KNL1: variants seen among roughly 807,000 people sequenced by gnomAD.
KNL1 encodes the protein outer kinetochore KNL1 complex subunit KNL1.
Under a neutral mutation model 201.3 loss-of-function variants are expected in KNL1, and 66 were observed. The ratio of observed to expected loss-of-function variants is 0.33; its 90% CI spans 0.27 to 0.40. The LOEUF (loss-of-function observed/expected upper bound fraction) is 0.40. Among genes scored for constraint, KNL1 ranks in the 10% least tolerant of loss-of-function variants. KNL1 has a pLI of 1.00. For synonymous variants in KNL1, 895 were observed against 899.2 expected (o/e 1.00, Z 0.08); for missense variants, 2,815 against 2,690.5 (o/e 1.05, Z -1.02).
chr15:40,623,872 A>G lies in KNL1; in HGVS notation c.3608A>G (p.Lys1203Arg), dbSNP rs1892639229. The G allele has an allele frequency of 6.2e-7, 1 of 1,613,756 alleles. No homozygotes were observed. Among genetic ancestry groups the G allele is most frequent in the African/African-American group, 1.3e-5 (1 of 75,060 alleles). ...AAAAACTTGGGTGTTTCCTTTCCTA[A>G]GGATAATAGCTGTGTTCAAGAAATC... Reference protein sequence around the residue: ...KGKNLGVSFPKDNSCVQEIAE... With the variant: ...KGKNLGVSFPRDNSCVQEIAE... The change falls in exon 10 of 26, where the codon AAG becomes AGG. Residue 1203 changes from lysine to arginine, a missense_variant. Physicochemically the swap from Lys to Arg is conservative, Grantham distance 26. This residue lies in a region of KNL1 where 2,464 missense variants were observed against 2,291.7 expected (regional missense o/e 1.08). Coordinates refer to ENST00000399668, the MANE Select transcript of KNL1 (RefSeq NM_144508.5).
In KNL1 at chr15:40,629,315, C is replaced by G. The variant is rs369488649; in HGVS notation, c.5626C>G (p.Leu1876Val). 76 of 1,604,480 alleles carry G rather than the reference C, an allele frequency of 4.7e-5. No homozygotes were observed. The highest frequency in any genetic ancestry group is 6.4e-5 in the Non-Finnish European group (75 of 1,178,004). Reference protein sequence around the residue: ...GRITIREFFILLQVHILIQKP... With the variant: ...GRITIREFFIVLQVHILIQKP... ...AATAACAATAAGGGAGTTCTTTATA[C>G]TTCTCCAGGTCCACATCTTGATACA... The change falls in exon 13 of 26, where the codon CTT becomes GTT. Residue 1876 changes from leucine to valine, a missense_variant. Around this residue, in one of 3 missense-constraint regions of KNL1, gnomAD observed 2,464 missense variants for 2,291.7 expected, o/e 1.08. Coordinates refer to ENST00000399668, the MANE Select transcript of KNL1 (RefSeq NM_144508.5).
Position 40,602,804 on chromosome 15 carries a change from C to T in KNL1, c.-17-111C>T. 6.7e-6 allele frequency: 4 copies of T among 599,010 alleles called. No homozygotes were observed. The South Asian group carries it at 8.3e-5, about 12-fold the overall frequency. 37.1% of individuals were successfully genotyped at this position (599,010 alleles called of 1,614,324 possible). On this transcript the variant is annotated intron_variant, in intron 1 of 25. Transcript: ENST00000399668. Reference sequence around the variant, plus strand: ...CCGGCCTTTCCTTCCCATCTTTGGTCTTCCCTCAGAAAGTAACCCTGAAGT... The same window carrying T: ...CCGGCCTTTCCTTCCCATCTTTGGTTTTCCCTCAGAAAGTAACCCTGAAGT...
At chr15:40,616,373 C>T (rs541983754) in intron 8 of KNL1, among the ~76,000 whole-genome samples, 55 of 152,032 alleles carry the variant, frequency 3.6e-4, no homozygotes, top group African/African-American at 9.9e-4. Context: ...GTGATCCACC[C>T]GCCTCGGCCT....
Position 40,605,077 on chromosome 15 carries a change from C to T in KNL1, c.36-33C>T, listed in dbSNP as rs1175590960. On this transcript the variant is annotated intron_variant, in intron 2 of 25. Coordinates refer to ENST00000399668, the MANE Select transcript of KNL1 (RefSeq NM_144508.5). Reference sequence around the variant, plus strand: ...CTTTTGTGAATTCATTTTTTTAAATCACTGTGTATATAATTTTGTTTTCCT... The same window carrying T: ...CTTTTGTGAATTCATTTTTTTAAATTACTGTGTATATAATTTTGTTTTCCT... The T allele has an allele frequency of 3.5e-6, 4 of 1,131,282 alleles. No homozygotes were observed. The East Asian group carries it at 7.1e-5, about 20-fold the overall frequency. The allele number at this position is 1,131,282 out of a possible 1,614,324, so 70.1% of individuals were successfully genotyped here.
chr15:40,658,043 G>A (rs952352236), intron 24 of KNL1, among the ~76,000 whole-genome samples: 2 of 152,044 alleles, frequency 1.3e-5, no homozygotes, highest in African/African-American at 4.8e-5. Context: ...CGAGGTGGGC[G>A]AATCACAAGG....
chr15:40,623,667 G>T lies in KNL1; in HGVS notation c.3403G>T (p.Ala1135Ser), dbSNP rs759599142. ...DMEITRSHTT[A>S]LECKTLLPNE... Reference sequence around the variant, plus strand: ...GGAGATCACTAGGAGTCACACAACTGCCTTAGAATGTAAAACTCTCCTGCC... The same window carrying T: ...GGAGATCACTAGGAGTCACACAACTTCCTTAGAATGTAAAACTCTCCTGCC... Residue 1135 changes from alanine to serine, a missense_variant, in exon 10 of 26, where the codon GCC becomes TCC. Coordinates refer to ENST00000399668, the MANE Select transcript of KNL1 (RefSeq NM_144508.5). 6.6e-5 allele frequency: 107 copies of T among 1,613,726 alleles called. No homozygotes were observed. The highest frequency in any genetic ancestry group is 1.6e-4 in the East Asian group (7 of 44,880).
At chr15:40,604,710 A>G (rs1473203017) in intron 2 of KNL1, among the ~76,000 whole-genome samples, 2 of 152,300 alleles carry the variant, frequency 1.3e-5, no homozygotes, top group South Asian at 2.1e-4. Context: ...AGATTATTAT[A>G]ATCTCAACAC....
chr15:40,620,783 G>A lies in KNL1; in HGVS notation c.519G>A (p.Lys173=), dbSNP rs375479916. Residue 173 remains lysine (K), a synonymous_variant, in exon 10 of 26, where the codon AAG becomes AAA. Transcript: ENST00000399668. ...KGLLDNPISE[K]STKIDTTSFL... Reference sequence around the variant, plus strand: ...TTTTAGATAATCCCATAAGTGAAAAGTCCACCAAGATAGATACCACATCAT... The same window carrying A: ...TTTTAGATAATCCCATAAGTGAAAAATCCACCAAGATAGATACCACATCAT... The A allele has an allele frequency of 4.0e-5, 64 of 1,613,312 alleles. 1 individual carries two copies. In the Admixed American group the frequency reaches 1.0e-3, roughly 26 times the overall value.
chr15:40,606,371 A>G (rs772634488), intron 3 of KNL1, 22 bp from the exon 4 acceptor site: 7 of 1,468,392 alleles, frequency 4.8e-6, no homozygotes, highest in Admixed American at 3.4e-5. Flanking sequence ...TTTTTTTTGA[A>G]TAATTCTAAT....
intron 15 of KNL1, 111 bp from the exon 16 acceptor site, chr15:40,645,545 C>A: frequency 1.9e-6 from 1 of 523,694 alleles, no homozygotes; most frequent in African/African-American, 1.9e-5. Context: ...ATTAAATTTG[C>A]AAATGACAAA....
At chr15:40,653,840 C>T (rs1269252830) in intron 21 of KNL1, among the ~76,000 whole-genome samples, 1 of 151,414 alleles carries the variant, frequency 6.6e-6, no homozygotes, top group African/African-American at 2.4e-5. Context: ...ATCTCAACAC[C>T]TTCATGCTGA....
intron 22 of KNL1, among the ~76,000 whole-genome samples, chr15:40,655,704 G>A (rs1893707178): frequency 6.6e-6 from 1 of 151,926 alleles, no homozygotes; most frequent in Admixed American, 6.6e-5. Flanking sequence ...TACAAGGTCA[G>A]GAGATCGAGA....
Position 40,655,084 on chromosome 15 carries a change from G to A in KNL1, c.6484+107G>A, listed in dbSNP as rs577141588. On this transcript the variant is annotated intron_variant, in intron 22 of 25. Coordinates refer to ENST00000399668, the MANE Select transcript of KNL1 (RefSeq NM_144508.5). ...AGGCTGAGGCGGGTGGATCACCAGG[G>A]GTCAGGAGTTTGAGACCAGCCTGAC... 1.9e-5 allele frequency: 15 copies of A among 783,204 alleles called. No homozygotes were observed. In the African/African-American group the frequency reaches 2.3e-4, roughly 12 times the overall value. The allele number at this position is 783,204 out of a possible 1,614,324, so 48.5% of individuals were successfully genotyped here. A position where few individuals can be genotyped will look rare whatever the true frequency, so the allele number is the denominator to read the frequency against.
intron 13 of KNL1, among the ~76,000 whole-genome samples, chr15:40,636,290 C>G (rs1893054885): frequency 6.6e-6 from 1 of 152,170 alleles, no homozygotes; most frequent in African/African-American, 2.4e-5. Context: ...TTAATCTACC[C>G]ACTGCATACA....
rs981907002 is a variant in KNL1 at position 40,605,913 on chromosome 15, C to A, written c.76-480C>A. Among the ~76,000 whole-genome samples, 3 of 152,206 alleles carry A rather than the reference C, an allele frequency of 2.0e-5. No homozygotes were observed. In the South Asian group the frequency reaches 6.2e-4, roughly 32 times the overall value. ...AGTGCTTCCTCTGGGTAATCTCCAG[C>A]AGATAGATTCTTTCCCTATAATTAC... is the stretch of plus-strand genomic sequence containing the variant. On this transcript the variant is annotated intron_variant, in intron 3 of 25. Coordinates refer to ENST00000399668, the MANE Select transcript of KNL1 (RefSeq NM_144508.5).
Position 40,622,317 on chromosome 15 carries a change from A to G in KNL1, c.2053A>G (p.Asn685Asp). ...TGGAGTTCTTGATAAACAAATAACT[A>G]ATAGAAATACAGTATCATGGGAACA... ...CGGVLDKQIT[N>D]RNTVSWEQSL... The change falls in exon 10 of 26, where the codon AAT becomes GAT. Residue 685 changes from asparagine to aspartate, a missense_variant. Coordinates refer to ENST00000399668, the MANE Select transcript of KNL1 (RefSeq NM_144508.5). The G allele has an allele frequency of 1.9e-6, 3 of 1,613,770 alleles. No homozygotes were observed. The highest frequency in any genetic ancestry group is 1.7e-6 in the Non-Finnish European group (2 of 1,179,690).
intron 2 of KNL1, 36 bp from the exon 3 acceptor site, chr15:40,605,074 A>T: frequency 9.1e-7 from 1 of 1,104,662 alleles, no homozygotes; most frequent in Non-Finnish European, 1.4e-6. Context: ...CATTTTTTTA[A>T]ATCACTGTGT....
rs767240973 is a variant in KNL1, at chr15:40,625,048, A to G, written c.4784A>G (p.Asn1595Ser). The G allele has an allele frequency of 1.1e-5, 17 of 1,613,764 alleles. No homozygotes were observed. Among genetic ancestry groups the G allele is most frequent in the Admixed American group, 5.0e-5 (3 of 59,974 alleles). The stretch of plus-strand genomic sequence containing the variant: ...CTTGAATTAGGAAATAAGGCACACA[A>G]TGATATGCATATAGTGCAAGCTACA... ...QLLELGNKAH[N>S]DMHIVQATEI... The change falls in exon 10 of 26, where the codon AAT becomes AGT. Residue 1595 changes from asparagine (N) to serine (S), a missense_variant. This residue lies in a region of KNL1 where 2,464 missense variants were observed against 2,291.7 expected (regional missense o/e 1.08). Coordinates refer to ENST00000399668, the MANE Select transcript of KNL1 (RefSeq NM_144508.5).
At chr15:40,607,552 T>G (rs1348673657) in intron 4 of KNL1, among the ~76,000 whole-genome samples, 3 of 152,172 alleles carry the variant, frequency 2.0e-5, no homozygotes, top group South Asian at 4.1e-4. Flanking sequence ...GTCTTTTGAT[T>G]ATTATTATTA....
Sources: allele counts gnomAD v4.1 joint callset (sites outside exome capture counted in the v4.1 genomes callset), GRCh38; gene constraint gnomAD v4.1.1; regional missense constraint gnomAD v4.1.1; transcripts MANE v1.5; gene names NCBI Gene and HGNC (gene_info 2026-07-23, HGNC 2026-07-21).